Variants in TCF20 observed in about 807,000 individuals in gnomAD.
TCF20 encodes SPRE-binding protein.
In TCF20, 3 loss-of-function variants were observed where a neutral mutation model predicts 148.6. The observed-to-expected ratio is 0.02, with a 90% CI of 0.01 to 0.05. The LOEUF is 0.05. Ranked by LOEUF, TCF20 falls within the 10% of genes least tolerant of loss-of-function variation. TCF20 has a pLI of 1.00. For synonymous variants in TCF20, 1,049 were observed against 909.5 expected (o/e 1.15, Z -2.76); for missense variants, 2,350 against 2,429.3 (o/e 0.97, Z 0.69).
intron 1 of TCF20, among the ~76,000 whole-genome samples, chr22:42,235,263 A>T (rs538710522): frequency 6.6e-6 from 1 of 152,236 alleles, no homozygotes; most frequent in East Asian, 1.9e-4. Flanking sequence ...GAGACAAAAG[A>T]AAACTACTCC....
intron 1 of TCF20, among the ~76,000 whole-genome samples, chr22:42,337,530 TC>T (rs1300256543): frequency 6.6e-6 from 1 of 152,130 alleles, no homozygotes. Flanking sequence ...TAAGGGCTCT[TC>T]CCCCTCTTCT....
At chr22:42,192,008 G>A (rs1457827883) in intron 2 of TCF20, among the ~76,000 whole-genome samples, 1 of 152,118 alleles carries the variant, frequency 6.6e-6, no homozygotes, top group Non-Finnish European at 1.5e-5. Flanking sequence ...TTTACCCTTT[G>A]CTCAAACAGT....
At chr22:42,225,487 G>A (rs1438684294) in intron 1 of TCF20, among the ~76,000 whole-genome samples, 6 of 150,920 alleles carry the variant, frequency 4.0e-5, no homozygotes, top group Non-Finnish European at 7.4e-5. Flanking sequence ...GGTGGCGGGC[G>A]CCTGTAGTCC....
intron 1 of TCF20, among the ~76,000 whole-genome samples, chr22:42,302,023 C>A (rs1927345417): frequency 6.6e-6 from 1 of 152,180 alleles, no homozygotes. Context: ...TGGGAGAGAA[C>A]CCCCTGATGG....
At chr22:42,205,125 C>G (rs888351473) in intron 2 of TCF20, among the ~76,000 whole-genome samples, 1 of 152,192 alleles carries the variant, frequency 6.6e-6, no homozygotes, top group Admixed American at 6.5e-5. Context: ...AAGTTATATC[C>G]ATACCCATTC....
chr22:42,338,418 G>C lies in TCF20; in HGVS notation c.-37+5061C>G, dbSNP rs1258838262. Reference sequence around the variant, plus strand: ...AAGCTTAAATGGCAGCGCAGAGTCGGGAGGGGGGTGCCCAGGGGGCCTCAG... The same window carrying C: ...AAGCTTAAATGGCAGCGCAGAGTCGCGAGGGGGGTGCCCAGGGGGCCTCAG... On this transcript the variant is annotated intron_variant, in intron 1 of 1. Transcript: ENST00000515426. The surrounding 1 kb of genome is among the most constrained non-coding windows in gnomAD (Gnocchi z 4.0). Among the ~76,000 whole-genome samples, 1 of 16,834 alleles carries C rather than the reference G, an allele frequency of 5.9e-5. No individual in the cohort carries two copies. Among genetic ancestry groups the C allele is most frequent in the Non-Finnish European group, 1.1e-4 (1 of 9,380 alleles). The allele number at this position is 16,834 out of a possible 152,430, so 11.0% of individuals were successfully genotyped here.
chr22:42,210,875 C>T lies in TCF20; in HGVS notation c.4431G>A (p.Gly1477=), dbSNP rs561237828. 140 of 1,614,152 alleles carry T rather than the reference C, an allele frequency of 8.7e-5. No homozygotes were observed. The South Asian group carries it at 1.5e-3, about 17-fold the overall frequency. ...TTSQKPGSNQ[G]RPDGSLGGTA... ...TTCCACCCAGGGAACCATCTGGTCT[C>T]CCTTGGTTACTACCAGGCTTCTGTG... The change falls in exon 2 of 6, where the codon GGG becomes GGA. Residue 1477 remains glycine (G), a synonymous_variant. Transcript: ENST00000677622. This position sits in a 1 kb window ranked among gnomAD's most constrained non-coding sequence, Gnocchi z 4.7.
chr22:42,225,146 C>A (rs1221764790), intron 1 of TCF20, among the ~76,000 whole-genome samples: 1 of 151,870 alleles, frequency 6.6e-6, no homozygotes, highest in African/African-American at 2.4e-5. Flanking sequence ...CAGGTGCCTG[C>A]CACCACGTCC....
rs1326920458 is a variant in TCF20, at chr22:42,270,562, C to T, written c.-260G>A. On this transcript the variant is annotated 5_prime_UTR_variant, in exon 1 of 6. Coordinates refer to ENST00000677622, the MANE Select transcript of TCF20 (RefSeq NM_001378418.1). ...GGTCAGGCGCGCCTCAGGGCGGGCT[C>T]CCCTGGCGGAGGCCGCGGCCGCCTC... Among the ~76,000 whole-genome samples the T allele has an allele frequency of 1.4e-5, 2 of 145,434 alleles. No homozygotes were observed. The highest frequency in any genetic ancestry group is 2.1e-4 in the South Asian group (1 of 4,774).
chr22:42,313,880 G>A (rs6002684), intron 1 of TCF20, among the ~76,000 whole-genome samples: 7,967 of 152,290 alleles, frequency 0.052, 342 homozygotes, highest in African/African-American at 0.11. Context: ...GGTTAGAGGC[G>A]TGAGTCACCG....
At chr22:42,207,830 A>T (rs1028747026) in intron 2 of TCF20, among the ~76,000 whole-genome samples, 7 of 152,150 alleles carry the variant, frequency 4.6e-5, no homozygotes, top group African/African-American at 1.4e-4. Context: ...AAGAAAAAAA[A>T]ATCAAGACAT....
intron 1 of TCF20, among the ~76,000 whole-genome samples, chr22:42,237,033 G>A (rs1429701524): frequency 6.6e-6 from 1 of 150,896 alleles, no homozygotes; most frequent in Non-Finnish European, 1.5e-5. Context: ...GGCTGAGGTG[G>A]CTGTGGCAAA....
chr22:42,187,490 T>C (rs184649099), intron 2 of TCF20, among the ~76,000 whole-genome samples: 15 of 152,316 alleles, frequency 9.8e-5, no homozygotes, highest in Middle Eastern at 3.4e-3. Context: ...GGTTGGGTGG[T>C]AGCTGGCCCC....
chr22:42,306,932 G>A (rs528927825), intron 1 of TCF20, among the ~76,000 whole-genome samples: 23 of 151,874 alleles, frequency 1.5e-4, no homozygotes, highest in African/African-American at 5.1e-4. Flanking sequence ...CCAGCTACTC[G>A]GGATGCTGAG....
chr22:42,192,186 G>A (rs1171438794), intron 2 of TCF20, among the ~76,000 whole-genome samples: 1 of 152,040 alleles, frequency 6.6e-6, no homozygotes, highest in Non-Finnish European at 1.5e-5. Context: ...GCCAATTACT[G>A]GAAGCTGCTT....
chr22:42,272,273 G>T (rs1208636997), upstream of TCF20, among the ~76,000 whole-genome samples: 4 of 152,326 alleles, frequency 2.6e-5, no homozygotes, highest in African/African-American at 9.6e-5. Context: ...CTGGGATCAG[G>T]GCTGTAAAGG....
chr22:42,194,918 A>G (rs994596406), intron 2 of TCF20, among the ~76,000 whole-genome samples: 2 of 151,820 alleles, frequency 1.3e-5, no homozygotes, highest in Admixed American at 6.6e-5. Context: ...CAGACCTCAC[A>G]GTATCCATAG....
At chr22:42,207,358 A>G (rs1938454074) in intron 2 of TCF20, among the ~76,000 whole-genome samples, 3 of 152,032 alleles carry the variant, frequency 2.0e-5, no homozygotes, top group African/African-American at 7.3e-5. Flanking sequence ...AACAAAAAAA[A>G]AAATGTTTTT....
chr22:42,335,026 C>T (rs951067214), intron 1 of TCF20, among the ~76,000 whole-genome samples: 3 of 152,154 alleles, frequency 2.0e-5, no homozygotes, highest in South Asian at 2.1e-4. Flanking sequence ...CCTCTGGGCC[C>T]GGAGCCCAGC....
Sources: allele counts gnomAD v4.1 joint callset (sites outside exome capture counted in the v4.1 genomes callset), GRCh38; gene constraint gnomAD v4.1.1; non-coding constraint Gnocchi (gnomAD v3.1); transcripts MANE v1.5; gene names NCBI Gene and HGNC (gene_info 2026-07-23, HGNC 2026-07-21).